DNAJC5: variants seen among roughly 807,000 people sequenced by gnomAD.
DNAJC5 encodes the protein dnaJ homolog subfamily C member 5.
DNAJC5 carries 1 observed loss-of-function variant against 23.2 expected under a neutral mutation model. The observed-to-expected ratio is 0.04, with a 90% CI of 0.02 to 0.20. The LOEUF (loss-of-function observed/expected upper bound fraction) is 0.20, where lower values mean the gene tolerates loss of function less well. DNAJC5 is among the 10% of genes least tolerant of loss of function. DNAJC5 has a pLI of 1.00. For synonymous variants in DNAJC5, 136 were observed against 120.0 expected (o/e 1.13, Z -0.87); for missense variants, 180 against 267.0 (o/e 0.67, Z 2.27).
Position 63,931,759 on chromosome 20 carries a change from C to T in DNAJC5, c.*191C>T. The T allele has an allele frequency of 1.5e-6, 1 of 653,936 alleles. No individual in the cohort carries two copies. Among genetic ancestry groups the T allele is most frequent in the Non-Finnish European group, 2.8e-6 (1 of 361,612 alleles). 40.5% of individuals were successfully genotyped at this position (653,936 alleles called of 1,614,324 possible). A position where few individuals can be genotyped will look rare whatever the true frequency, so the allele number is the denominator to read the frequency against. On this transcript the variant is annotated 3_prime_UTR_variant, in exon 5 of 5. Transcript: ENST00000360864. The surrounding 1 kb of genome is among the most constrained non-coding windows in gnomAD (Gnocchi z 9.6). ...AGTGCGTAGCATGCAGTATTTAAAG[C>T]AGTGTAGCTACGGTCTTCTGTTTTT...
rs116043492 is a variant in DNAJC5 at position 63,925,547 on chromosome 20, G to A, written c.-11-2788G>A. 2.8e-3 allele frequency among the ~76,000 whole-genome samples: 431 copies of A among 152,038 alleles called. 3 individuals carry two copies. Among genetic ancestry groups the A allele is most frequent in the African/African-American group, 1.0e-2 (413 of 41,504 alleles). On this transcript the variant is annotated intron_variant, in intron 1 of 4. Transcript: ENST00000360864. ...AGGTGAAGGATGGGGATCAATCAGA[G>A]GAAAGTGTGGCAAACAGGAAGGCAA...
intron 1 of DNAJC5, among the ~76,000 whole-genome samples, chr20:63,924,352 G>T (rs2053594554): frequency 6.6e-6 from 1 of 152,110 alleles, no homozygotes; most frequent in South Asian, 2.1e-4. Flanking sequence ...TTAGCAATTT[G>T]TGGTTTTCAA....
Position 63,931,762 on chromosome 20 carries a change from T to G in DNAJC5, c.*194T>G, listed in dbSNP as rs575426180. 47 of 644,850 alleles carry G rather than the reference T, an allele frequency of 7.3e-5. No individual in the cohort carries two copies. In the East Asian group the frequency reaches 1.3e-3, roughly 17 times the overall value. The allele number at this position is 644,850 out of a possible 1,614,324, so 39.9% of individuals were successfully genotyped here. ...GCGTAGCATGCAGTATTTAAAGCAG[T>G]GTAGCTACGGTCTTCTGTTTTTTTC... On this transcript the variant is annotated 3_prime_UTR_variant, in exon 5 of 5. Transcript: ENST00000360864. The surrounding 1 kb of genome is among the most constrained non-coding windows in gnomAD (Gnocchi z 9.6).
intron 1 of DNAJC5, among the ~76,000 whole-genome samples, chr20:63,905,590 G>A (rs1387824671): frequency 6.8e-6 from 1 of 146,786 alleles, no homozygotes. Context: ...TTTTTTTCAC[G>A]GAGTCTGGCT....
At chr20:63,911,249 T>C (rs1056495660) in intron 1 of DNAJC5, among the ~76,000 whole-genome samples, 21 of 152,128 alleles carry the variant, frequency 1.4e-4, no homozygotes, top group African/African-American at 5.1e-4. Context: ...TTGGAATGGT[T>C]TTATAGTTTC....
chr20:63,931,846 G>C lies in DNAJC5; in HGVS notation c.*278G>C. The C allele has an allele frequency of 2.1e-6, 1 of 482,956 alleles. No homozygotes were observed. 29.9% of individuals were successfully genotyped at this position (482,956 alleles called of 1,614,324 possible). ...ATGTCTGTGTTGTGGACATTCCGCG[G>C]CATGACCGCGTGAACTGCACGGTGG... On this transcript the variant is annotated 3_prime_UTR_variant, in exon 5 of 5. Coordinates refer to ENST00000360864, the MANE Select transcript of DNAJC5 (RefSeq NM_025219.3). The surrounding 1 kb of genome is among the most constrained non-coding windows in gnomAD (Gnocchi z 9.6).
Position 63,933,783 on chromosome 20 carries a change from C to T in DNAJC5, c.*2215C>T, listed in dbSNP as rs945923894. ...AGGTAGAAAGCTGCCCATCGGGGGC[C>T]CTAGCTCAGCCCCACCAGGCCCTCT... On this transcript the variant is annotated 3_prime_UTR_variant, in exon 5 of 5. Transcript: ENST00000360864. 3.3e-5 allele frequency: 5 copies of T among 152,366 alleles called. No individual in the cohort carries two copies. 9.4% of individuals were successfully genotyped at this position (152,366 alleles called of 1,614,324 possible).
At chr20:63,899,606 G>A (rs991032037) in intron 1 of DNAJC5, among the ~76,000 whole-genome samples, 7 of 152,170 alleles carry the variant, frequency 4.6e-5, no homozygotes, top group African/African-American at 7.2e-5. Context: ...TTTTGAGACG[G>A]AGTCTCATTC....
intron 1 of DNAJC5, among the ~76,000 whole-genome samples, chr20:63,906,962 G>A (rs1402903415): frequency 1.3e-5 from 2 of 152,012 alleles, no homozygotes; most frequent in African/African-American, 4.8e-5. Context: ...TTATCCAAGT[G>A]TGGTGGTTGC....
At chr20:63,927,517 G>C (rs1299196296) in intron 1 of DNAJC5, among the ~76,000 whole-genome samples, 1 of 151,790 alleles carries the variant, frequency 6.6e-6, no homozygotes, top group East Asian at 1.9e-4. Context: ...TCCAGCCTGG[G>C]CAACAAGAGC....
rs980943632 is a variant in DNAJC5, at chr20:63,928,670, A to G, written c.107+218A>G. Among the ~76,000 whole-genome samples the G allele has an allele frequency of 6.6e-6, 1 of 152,232 alleles. No homozygotes were observed. Among genetic ancestry groups the G allele is most frequent in the Non-Finnish European group, 1.5e-5 (1 of 68,042 alleles). On this transcript the variant is annotated intron_variant, in intron 2 of 4. Transcript: ENST00000360864. The surrounding 1 kb of genome is among the most constrained non-coding windows in gnomAD (Gnocchi z 4.6). ...CTCTTGCCAACAAAAAATAGCACTT[A>G]GTAGAAACTGACACACTGTCCACAG...
At chr20:63,902,966 C>A (rs899904295) in intron 1 of DNAJC5, among the ~76,000 whole-genome samples, 1 of 151,892 alleles carries the variant, frequency 6.6e-6, no homozygotes, top group African/African-American at 2.4e-5. Flanking sequence ...CGTGAGCCAC[C>A]GCGCCCTGCC....
chr20:63,895,987 G>A (rs1248993128), intron 1 of DNAJC5, among the ~76,000 whole-genome samples: 1 of 152,140 alleles, frequency 6.6e-6, no homozygotes, highest in African/African-American at 2.4e-5. Flanking sequence ...TCTCTTTTTC[G>A]TGTGCCGAAG....
chr20:63,921,863 C>T (rs2053576174), intron 1 of DNAJC5, among the ~76,000 whole-genome samples: 1 of 151,968 alleles, frequency 6.6e-6, no homozygotes, highest in Non-Finnish European at 1.5e-5. Context: ...ACTGCAACCT[C>T]CTCCTCCCGG....
intron 1 of DNAJC5, among the ~76,000 whole-genome samples, chr20:63,897,998 T>G (rs893263177): frequency 3.9e-5 from 6 of 152,216 alleles, no homozygotes; most frequent in African/African-American, 1.4e-4. Flanking sequence ...TTCCCCTTGC[T>G]TGGAGGGTGG....
At chr20:63,900,555 C>T (rs1258805317) in intron 1 of DNAJC5, among the ~76,000 whole-genome samples, 2 of 116,072 alleles carry the variant, frequency 1.7e-5, no homozygotes, top group Non-Finnish European at 3.2e-5. Flanking sequence ...CCAGCCTGGG[C>T]GACAGAGCAA....
In DNAJC5 at chr20:63,895,216, CG is replaced by C. The variant is rs1206464148; in HGVS notation, c.-115del. The C allele has an allele frequency of 3.3e-5, 5 of 150,536 alleles. No homozygotes were observed. The highest frequency in any genetic ancestry group is 7.4e-5 in the African/African-American group (3 of 40,420). The allele number at this position is 150,536 out of a possible 1,614,324, so 9.3% of individuals were successfully genotyped here. ...CTCTGCCGCCGCCGCCGCCGCCGCC[CG>C]GGGTCTCCAGGCTGAGGAGTGCGTC... On this transcript the variant is annotated 5_prime_UTR_variant, in exon 1 of 5. Transcript: ENST00000360864.
chr20:63,927,541 C>G (rs1243821119), intron 1 of DNAJC5, among the ~76,000 whole-genome samples: 11 of 148,932 alleles, frequency 7.4e-5, no homozygotes, highest in Admixed American at 3.3e-4. Flanking sequence ...ACTGTCCCCC[C>G]CCCCAAAAAA....
At chr20:63,907,684 T>TA (rs1324829429) in intron 1 of DNAJC5, among the ~76,000 whole-genome samples, 1 of 152,166 alleles carries the variant, frequency 6.6e-6, no homozygotes, top group Non-Finnish European at 1.5e-5. Context: ...TCAAAGCAGA[T>TA]ATCACAAGTT....
Sources: gnomAD v4.1 joint callset for allele counts (sites outside exome capture counted in the v4.1 genomes callset) on GRCh38, gnomAD v4.1.1 for gene constraint, Gnocchi (gnomAD v3.1) non-coding constraint, MANE v1.5 for transcripts, NCBI Gene and HGNC (gene_info 2026-07-23, HGNC 2026-07-21) for gene names.